NRG3: variants seen among roughly 807,000 people sequenced by gnomAD.
The protein encoded by NRG3 is neuregulin 3.
In NRG3, 31 loss-of-function variants were observed where a neutral mutation model predicts 66.9. The observed-to-expected ratio is 0.46, with a 90% confidence interval of 0.35 to 0.63. NRG3 has a LOEUF of 0.63. NRG3 is among the 20% of genes least tolerant of loss of function. The probability of loss-of-function intolerance (pLI) is 0.00; values close to 1 mark genes in which losing one functional copy is unlikely to be tolerated. For missense variants in NRG3, 910 were observed against 878.9 expected, an observed-to-expected ratio of 1.04 and a Z score of -0.45; for synonymous variants, 393 against 359.4, an observed-to-expected ratio of 1.09 and a Z score of -1.06.
intron 4 of NRG3, among the ~76,000 whole-genome samples, chr10:82,918,249 C>G (rs2132039098): frequency 6.6e-6 from 1 of 152,112 alleles, no homozygotes; most frequent in South Asian, 2.1e-4. Context: ...ACATGGCAAG[C>G]ATTCACAGAG....
chr10:82,753,738 G>A lies in NRG3; in HGVS notation c.1027+15088G>A, dbSNP rs548255022. On this transcript the variant is annotated intron_variant, in intron 3 of 8. Coordinates refer to ENST00000372141, the MANE Select transcript of NRG3 (RefSeq NM_001010848.4). ...CTGAGGTGGGCAGATCATGAGGTTAGGAGATTGAGACCATCCTGGCCAACA... is the reference window on the plus strand; with the variant it reads ...CTGAGGTGGGCAGATCATGAGGTTAAGAGATTGAGACCATCCTGGCCAACA... 2.3e-4 allele frequency among the ~76,000 whole-genome samples: 35 copies of A among 152,046 alleles called. 1 individual carries two copies. The South Asian group carries it at 7.1e-3, about 31-fold the overall frequency.
intron 2 of NRG3, among the ~76,000 whole-genome samples, chr10:82,556,744 T>C (rs2044678089): frequency 6.6e-6 from 1 of 152,172 alleles, no homozygotes; most frequent in Non-Finnish European, 1.5e-5. Flanking sequence ...CACCCAGGTA[T>C]TAAGACCAGT....
intron 2 of NRG3, among the ~76,000 whole-genome samples, chr10:82,637,473 C>A (rs1162141740): frequency 1.3e-5 from 2 of 152,108 alleles, no homozygotes; most frequent in Non-Finnish European, 2.9e-5. Flanking sequence ...GCCAGTCATA[C>A]CCCATTTGAA....
At position 82,373,608 on chromosome 10, in the gene NRG3, A is replaced by G. The variant is rs536068774; in HGVS notation, c.953+14740A>G. On this transcript the variant is annotated intron_variant, in intron 2 of 8. Coordinates refer to ENST00000372141, the MANE Select transcript of NRG3 (RefSeq NM_001010848.4). ...AAACATTCTGCAGCAGTTATGAAAT[A>G]GAGGCTAATAATAGGACAAGGGAGA... 1.1e-4 allele frequency among the ~76,000 whole-genome samples: 17 copies of G among 152,352 alleles called. No homozygotes were observed. The East Asian group carries it at 2.9e-3, about 26-fold the overall frequency.
rs375354917 is a variant in NRG3, at chr10:82,109,733, T to G, written c.823+233570T>G. On this transcript the variant is annotated intron_variant, in intron 1 of 8. Transcript: ENST00000372141. Reference sequence around the variant, plus strand: ...ATATTAAGTGACCATTTAGTGATTTTCAAACACTGTAACATGTAATTTCCT... The same window carrying G: ...ATATTAAGTGACCATTTAGTGATTTGCAAACACTGTAACATGTAATTTCCT... Among the ~76,000 whole-genome samples, 4 of 152,262 alleles carry G rather than the reference T, an allele frequency of 2.6e-5. No individual in the cohort carries two copies. The East Asian group carries it at 7.7e-4, about 29-fold the overall frequency.
intron 2 of NRG3, among the ~76,000 whole-genome samples, chr10:82,554,929 A>G (rs2044551583): frequency 6.6e-6 from 1 of 152,128 alleles, no homozygotes; most frequent in African/African-American, 2.4e-5. Flanking sequence ...CACCGTCCTC[A>G]TGCTGTCTGC....
chr10:82,548,540 C>G (rs1402349855), intron 2 of NRG3, among the ~76,000 whole-genome samples: 1 of 151,472 alleles, frequency 6.6e-6, no homozygotes, highest in African/African-American at 2.4e-5. Context: ...CACACACACA[C>G]ACACACACAC....
chr10:82,967,446 C>T (rs1257224094), intron 6 of NRG3, among the ~76,000 whole-genome samples: 1 of 152,110 alleles, frequency 6.6e-6, no homozygotes, highest in Non-Finnish European at 1.5e-5. Context: ...TATTCATTTA[C>T]TTATTTTTTC....
At chr10:82,009,706 C>G (rs1400906528) in intron 1 of NRG3, among the ~76,000 whole-genome samples, 1 of 100,358 alleles carries the variant, frequency 1.0e-5, no homozygotes, top group African/African-American at 3.6e-5. Context: ...GAGAAGAGGA[C>G]TCCATCTTTC....
intron 2 of NRG3, among the ~76,000 whole-genome samples, chr10:82,488,942 G>A (rs1300019729): frequency 2.0e-5 from 3 of 151,982 alleles, no homozygotes; most frequent in Non-Finnish European, 4.4e-5. Context: ...ATTTCAGTTG[G>A]GATCACTTTT....
chr10:82,213,013 G>A (rs536832481), intron 1 of NRG3, among the ~76,000 whole-genome samples: 1 of 152,210 alleles, frequency 6.6e-6, no homozygotes, highest in South Asian at 2.1e-4. Flanking sequence ...CCTACTTTCG[G>A]TTCCCAGGAA....
intron 6 of NRG3, among the ~76,000 whole-genome samples, chr10:82,965,105 G>A (rs536519582): frequency 3.3e-5 from 5 of 152,304 alleles, no homozygotes; most frequent in African/African-American, 1.2e-4. Context: ...CTATGAAGGA[G>A]TTAACAACAA....
At chr10:82,819,011 T>C (rs2061836212) in intron 3 of NRG3, among the ~76,000 whole-genome samples, 1 of 152,210 alleles carries the variant, frequency 6.6e-6, no homozygotes, top group South Asian at 2.1e-4. Context: ...ATTTTAATGA[T>C]TTTTTTAAAA....
chr10:82,079,870 A>G (rs1185564809), intron 1 of NRG3, among the ~76,000 whole-genome samples: 1 of 152,172 alleles, frequency 6.6e-6, no homozygotes, highest in African/African-American at 2.4e-5. Flanking sequence ...ATTCCGACTG[A>G]AGGACATCTT....
At chr10:82,271,469 G>T (rs1353090547) in intron 1 of NRG3, among the ~76,000 whole-genome samples, 1 of 152,106 alleles carries the variant, frequency 6.6e-6, no homozygotes, top group Non-Finnish European at 1.5e-5. Flanking sequence ...TTGTTCTTAT[G>T]AATGTTGTAT....
chr10:82,956,209 T>C (rs1850034205), intron 5 of NRG3, among the ~76,000 whole-genome samples: 1 of 152,010 alleles, frequency 6.6e-6, no homozygotes, highest in Admixed American at 6.5e-5. Context: ...TTCTTTCTAA[T>C]GCATTGGACC....
Position 82,526,632 on chromosome 10 carries a change from A to G in NRG3, c.953+167764A>G, listed in dbSNP as rs571804407. On this transcript the variant is annotated intron_variant, in intron 2 of 8. Transcript: ENST00000372141. ...AAAAATTGTCTTTTAGCCACAAAGC[A>G]TTACTGGTGATAAAGAGGTTCATTT... Among the ~76,000 whole-genome samples the G allele has an allele frequency of 1.1e-4, 17 of 152,100 alleles. 1 individual carries two copies. In the South Asian group the frequency reaches 2.7e-3, roughly 24 times the overall value.
intron 3 of NRG3, among the ~76,000 whole-genome samples, chr10:82,767,772 A>G (rs1432346802): frequency 1.3e-5 from 2 of 152,002 alleles, no homozygotes; most frequent in Non-Finnish European, 2.9e-5. Flanking sequence ...TTCCTCAGGA[A>G]TTTCCATTAC....
intron 1 of NRG3, among the ~76,000 whole-genome samples, chr10:81,918,968 TAAC>T (rs145787274): frequency 2.4e-4 from 33 of 139,600 alleles, no homozygotes; most frequent in African/African-American, 3.8e-4. Context: ...TATTGCATCA[TAAC>T]AAAACACACA....
Sources: allele counts gnomAD v4.1 joint callset (sites outside exome capture counted in the v4.1 genomes callset), GRCh38; gene constraint gnomAD v4.1.1; transcripts MANE v1.5; gene names NCBI Gene and HGNC (gene_info 2026-07-23, HGNC 2026-07-21).